The following ADARB2 variants were observed in gnomAD, a reference collection of about 807,000 sequenced individuals.
ADARB2 encodes inactive double-stranded RNA-specific editase B2.
ADARB2 carries 25 observed loss-of-function variants against 62.2 expected under a neutral mutation model. That is an observed-to-expected ratio of 0.40 (90% CI 0.29 to 0.56). ADARB2 has a LOEUF of 0.56. Among genes scored for constraint, ADARB2 ranks in the 20% least tolerant of loss-of-function variants. ADARB2 has a pLI of 0.43. For synonymous variants in ADARB2, 572 were observed against 500.8 expected (o/e 1.14, Z -1.90); for missense variants, 1,071 against 1,077.4 (o/e 0.99, Z 0.08).
At chr10:1,582,716 T>G (rs990944959) in intron 1 of ADARB2, among the ~76,000 whole-genome samples, 2 of 152,144 alleles carry the variant, frequency 1.3e-5, no homozygotes, top group African/African-American at 4.8e-5. Context: ...GCTACTCTTC[T>G]CAGGCTGCTC....
intron 4 of ADARB2, among the ~76,000 whole-genome samples, chr10:1,245,583 C>A (rs1452358227): frequency 3.3e-5 from 5 of 149,828 alleles, no homozygotes; most frequent in Admixed American, 2.7e-4. Flanking sequence ...TGAGGACATG[C>A]GGTGTTTGGT....
At chr10:1,408,031 C>A (rs1383574671) in intron 1 of ADARB2, among the ~76,000 whole-genome samples, 1 of 152,198 alleles carries the variant, frequency 6.6e-6, no homozygotes, top group East Asian at 1.9e-4. Context: ...CAAGGGCTCA[C>A]ACTGTTAATT....
At chr10:1,353,476 T>A (rs952423052) in intron 3 of ADARB2, among the ~76,000 whole-genome samples, 12 of 152,112 alleles carry the variant, frequency 7.9e-5, no homozygotes, top group Non-Finnish European at 1.3e-4. Context: ...ACCTTTACCC[T>A]CCTGAAGAAC....
chr10:1,191,344 G>A (rs1009736575), intron 8 of ADARB2, among the ~76,000 whole-genome samples: 10 of 152,232 alleles, frequency 6.6e-5, no homozygotes, highest in East Asian at 1.9e-4. Context: ...CACCCGGCAC[G>A]TGCACCTGCT....
chr10:1,528,149 C>T (rs1832172953), intron 1 of ADARB2, among the ~76,000 whole-genome samples: 1 of 152,194 alleles, frequency 6.6e-6, no homozygotes, highest in South Asian at 2.1e-4. Context: ...GCTACGTTCT[C>T]GCCAATGGCT....
chr10:1,732,129 G>A (rs751804330), intron 1 of ADARB2, among the ~76,000 whole-genome samples: 1 of 151,866 alleles, frequency 6.6e-6, no homozygotes, highest in Non-Finnish European at 1.5e-5. Context: ...AAAAGAAGTA[G>A]GGGGTATAAA....
intron 5 of ADARB2, among the ~76,000 whole-genome samples, chr10:1,235,079 C>G (rs1830852411): frequency 6.6e-6 from 1 of 152,056 alleles, no homozygotes; most frequent in Non-Finnish European, 1.5e-5. Context: ...CATTTTTTCC[C>G]ACTGCTGTTC....
intron 1 of ADARB2, among the ~76,000 whole-genome samples, chr10:1,720,956 G>T (rs542205533): frequency 1.3e-5 from 2 of 152,206 alleles, no homozygotes; most frequent in Admixed American, 6.5e-5. Context: ...GCACAAAGCC[G>T]CTTTGAATGT....
At chr10:1,681,108 G>A (rs1312539541) in intron 1 of ADARB2, among the ~76,000 whole-genome samples, 1 of 152,198 alleles carries the variant, frequency 6.6e-6, no homozygotes, top group Non-Finnish European at 1.5e-5. Context: ...ATAATGTAAG[G>A]ACGCAGCAAC....
Position 1,363,802 on chromosome 10 carries a change from C to G in ADARB2, c.303G>C (p.Pro101=), listed in dbSNP as rs756186450. ...AGTGGCCCCCATTCCCCTCCTCCAG[C>G]GGCCGCTTCCTCTTCGCGCCGGGCG... ...GGAPGAKRKR[P]LEEGNGGHLC... Residue 101 remains proline, a synonymous_variant, in exon 3 of 10, where the codon CCG becomes CCC. Transcript: ENST00000381312. The G allele has an allele frequency of 3.8e-6, 6 of 1,596,622 alleles. No homozygotes were observed. Among genetic ancestry groups the G allele is most frequent in the Non-Finnish European group, 5.1e-6 (6 of 1,178,602 alleles).
At chr10:1,269,252 C>CA (rs1194238653) in intron 4 of ADARB2, among the ~76,000 whole-genome samples, 1 of 152,172 alleles carries the variant, frequency 6.6e-6, no homozygotes, top group African/African-American at 2.4e-5. Context: ...TATGGACCAG[C>CA]AACCCTGTGT....
In ADARB2 at chr10:1,210,111, A is replaced by T. The variant is rs577001273; in HGVS notation, c.1682+6840T>A. Reference sequence around the variant, plus strand: ...TGCCTGTGCATTACTTTTGATCTGTAGGTGGGAAGTAATGTAGCTGTGTTG... The same window carrying T: ...TGCCTGTGCATTACTTTTGATCTGTTGGTGGGAAGTAATGTAGCTGTGTTG... On this transcript the variant is annotated intron_variant, in intron 7 of 9. Coordinates refer to ENST00000381312, the MANE Select transcript of ADARB2 (RefSeq NM_018702.4). Among the ~76,000 whole-genome samples, 116 of 152,314 alleles carry T rather than the reference A, an allele frequency of 7.6e-4. 1 individual carries two copies. Among genetic ancestry groups the T allele is most frequent in the African/African-American group, 2.7e-3 (111 of 41,580 alleles).
chr10:1,480,437 G>A (rs1480707782), intron 1 of ADARB2, among the ~76,000 whole-genome samples: 1 of 152,160 alleles, frequency 6.6e-6, no homozygotes, highest in Non-Finnish European at 1.5e-5. Flanking sequence ...GGTGGCTCAC[G>A]CCTGTAATCC....
At chr10:1,458,938 A>G (rs1036228889) in intron 1 of ADARB2, among the ~76,000 whole-genome samples, 5 of 152,396 alleles carry the variant, frequency 3.3e-5, no homozygotes, top group Middle Eastern at 3.4e-3. Context: ...TCATATGAAA[A>G]AAAGCTCAAC....
At chr10:1,354,557 A>G (rs11250447) in intron 3 of ADARB2, among the ~76,000 whole-genome samples, 57,401 of 152,166 alleles carry the variant, frequency 0.38, 12,685 homozygotes, top group Middle Eastern at 0.51. Flanking sequence ...GTCCCTTCAC[A>G]GGTACGTGCA....
chr10:1,423,522 A>AG (rs11440554), intron 1 of ADARB2, among the ~76,000 whole-genome samples: 147,288 of 152,116 alleles, frequency 0.97, 71,386 homozygotes, highest in Non-Finnish European at 0.99. Flanking sequence ...TACTCTTCCT[A>AG]GGCCTAGTTG....
At chr10:1,534,137 G>GTTTT (rs11431049) in intron 1 of ADARB2, among the ~76,000 whole-genome samples, 1 of 137,048 alleles carries the variant, frequency 7.3e-6, no homozygotes, top group Non-Finnish European at 1.6e-5. Flanking sequence ...CATTGAAATA[G>GTTTT]TTTTTTTTTT....
chr10:1,438,709 G>A (rs1174526820), intron 1 of ADARB2, among the ~76,000 whole-genome samples: 1 of 151,470 alleles, frequency 6.6e-6, no homozygotes, highest in Non-Finnish European at 1.5e-5. Flanking sequence ...ACTTCACGAT[G>A]GGGCTCCTGA....
intron 1 of ADARB2, among the ~76,000 whole-genome samples, chr10:1,474,943 G>A (rs929045295): frequency 3.9e-5 from 6 of 152,162 alleles, no homozygotes; most frequent in African/African-American, 1.4e-4. Flanking sequence ...TGACCGAGGC[G>A]GCGGCTGCCG....
Sources: gnomAD v4.1 joint callset for allele counts (sites outside exome capture counted in the v4.1 genomes callset) on GRCh38, gnomAD v4.1.1 for gene constraint, MANE v1.5 for transcripts, NCBI Gene and HGNC (gene_info 2026-07-23, HGNC 2026-07-21) for gene names.